Variants in SORCS3 observed in about 807,000 individuals in gnomAD.
The protein encoded by SORCS3 is VPS10 domain-containing receptor SorCS3.
In SORCS3, 57 loss-of-function variants were observed where a neutral mutation model predicts 146.3. The observed-to-expected ratio is 0.39, with a 90% CI of 0.31 to 0.49. The LOEUF (loss-of-function observed/expected upper bound fraction) is 0.49. Among genes scored for constraint, SORCS3 ranks in the 20% least tolerant of loss-of-function variants. The probability of loss-of-function intolerance (pLI) is 0.92; values close to 1 mark genes in which losing one functional copy is unlikely to be tolerated. For synonymous variants in SORCS3, 653 were observed against 618.5 expected (o/e 1.06, Z -0.83); for missense variants, 1,341 against 1,575.5 (o/e 0.85, Z 2.52).
intron 13 of SORCS3, among the ~76,000 whole-genome samples, chr10:105,173,076 C>T (rs1310376624): frequency 6.6e-6 from 1 of 152,044 alleles, no homozygotes; most frequent in African/African-American, 2.4e-5. Context: ...ATCAAAAGGT[C>T]TTCTTAACAA....
At chr10:104,764,854 C>T (rs139520860) in intron 1 of SORCS3, among the ~76,000 whole-genome samples, 42 of 152,234 alleles carry the variant, frequency 2.8e-4, no homozygotes, top group African/African-American at 9.6e-4. Context: ...CCTTTGGCAA[C>T]GTGGTGAAGT....
chr10:105,107,516 A>C (rs2055830971), intron 7 of SORCS3, among the ~76,000 whole-genome samples: 1 of 152,188 alleles, frequency 6.6e-6, no homozygotes, highest in African/African-American at 2.4e-5. Context: ...GATTTTTTTA[A>C]AAATTATTCT....
At chr10:105,057,329 G>A (rs990960119) in intron 5 of SORCS3, among the ~76,000 whole-genome samples, 5 of 152,150 alleles carry the variant, frequency 3.3e-5, no homozygotes, top group Admixed American at 2.6e-4. Context: ...AGAAGCAAAT[G>A]AAAATGTTTA....
intron 20 of SORCS3, among the ~76,000 whole-genome samples, chr10:105,231,338 G>A (rs1187974116): frequency 6.6e-6 from 1 of 152,202 alleles, no homozygotes; most frequent in African/African-American, 2.4e-5. Context: ...ATACAGGAAA[G>A]TGATCAACTT....
chr10:104,901,928 T>C (rs1240472506), intron 2 of SORCS3, among the ~76,000 whole-genome samples: 1 of 152,164 alleles, frequency 6.6e-6, no homozygotes, highest in East Asian at 1.9e-4. Context: ...GGCCTCTCAG[T>C]GGTGACAGAT....
chr10:105,072,663 T>C (rs1205068386), intron 5 of SORCS3, among the ~76,000 whole-genome samples: 1 of 2,286 alleles, frequency 4.4e-4, no homozygotes, highest in Non-Finnish European at 1.4e-3. Context: ...CTCTCTCTTT[T>C]TTTTTTTTTT....
chr10:105,051,721 A>G (rs1256027741), intron 5 of SORCS3, among the ~76,000 whole-genome samples: 5 of 152,164 alleles, frequency 3.3e-5, no homozygotes, highest in African/African-American at 1.2e-4. Flanking sequence ...ATCTCAAGTA[A>G]TGGGATTTAG....
intron 4 of SORCS3, among the ~76,000 whole-genome samples, chr10:104,993,923 CA>C (rs1456130171): frequency 6.6e-6 from 1 of 152,078 alleles, no homozygotes; most frequent in Non-Finnish European, 1.5e-5. Flanking sequence ...CAGAGTCTGA[CA>C]AATGCTAACA....
At chr10:105,005,083 A>T (rs1470213044) in intron 4 of SORCS3, among the ~76,000 whole-genome samples, 1 of 152,214 alleles carries the variant, frequency 6.6e-6, no homozygotes, top group African/African-American at 2.4e-5. Flanking sequence ...CTCAGTTTTC[A>T]TATCTGTAAA....
At position 104,819,839 on chromosome 10, in the gene SORCS3, G is replaced by C. The variant is rs117815356; in HGVS notation, c.628-22953G>C. Among the ~76,000 whole-genome samples the C allele has an allele frequency of 1.3e-4, 20 of 152,338 alleles. No homozygotes were observed. In the East Asian group the frequency reaches 3.9e-3, roughly 29 times the overall value. ...GAGATGTGGAACTCAGGTTTTAGGAGGGTGGAGAGGCAGGAGGGAAATGCA... is the reference window on the plus strand; with the variant it reads ...GAGATGTGGAACTCAGGTTTTAGGACGGTGGAGAGGCAGGAGGGAAATGCA... On this transcript the variant is annotated intron_variant, in intron 1 of 26. Coordinates refer to ENST00000369701, the MANE Select transcript of SORCS3 (RefSeq NM_014978.3).
intron 5 of SORCS3, among the ~76,000 whole-genome samples, chr10:105,071,973 G>T (rs567680585): frequency 2.6e-5 from 4 of 152,238 alleles, no homozygotes; most frequent in Admixed American, 6.5e-5. Flanking sequence ...AAGATGCAAG[G>T]TTCCTGGGTC....
intron 1 of SORCS3, among the ~76,000 whole-genome samples, chr10:104,671,441 C>G (rs2015853254): frequency 7.1e-6 from 1 of 141,590 alleles, no homozygotes; most frequent in Non-Finnish European, 1.5e-5. Flanking sequence ...TTCAAGCAAT[C>G]CTATTACCTC....
At chr10:105,187,988 G>A (rs1177805673) in intron 14 of SORCS3, among the ~76,000 whole-genome samples, 3 of 152,062 alleles carry the variant, frequency 2.0e-5, no homozygotes, top group African/African-American at 2.4e-5. Context: ...AATGGTGGTG[G>A]TGGTGCTGCT....
At chr10:104,948,365 C>A (rs770420813) in intron 3 of SORCS3, among the ~76,000 whole-genome samples, 7 of 152,034 alleles carry the variant, frequency 4.6e-5, no homozygotes, top group Non-Finnish European at 8.8e-5. Context: ...GTTGATGCAT[C>A]ATGGAAAAAA....
intron 20 of SORCS3, among the ~76,000 whole-genome samples, chr10:105,241,524 G>A (rs555583151): frequency 6.6e-6 from 1 of 152,322 alleles, no homozygotes; most frequent in South Asian, 2.1e-4. Context: ...GCGAGTAAAG[G>A]GCCAGTGTGA....
intron 1 of SORCS3, among the ~76,000 whole-genome samples, chr10:104,833,392 G>C (rs2018023650): frequency 6.6e-6 from 1 of 152,156 alleles, no homozygotes; most frequent in Non-Finnish European, 1.5e-5. Context: ...CAGCCTTGGT[G>C]GGGGAGATTC....
intron 4 of SORCS3, among the ~76,000 whole-genome samples, chr10:104,978,898 C>T (rs973643732): frequency 1.3e-5 from 2 of 152,142 alleles, no homozygotes; most frequent in African/African-American, 4.8e-5. Flanking sequence ...CTGATCTGGT[C>T]CCTCCTTCTC....
intron 1 of SORCS3, among the ~76,000 whole-genome samples, chr10:104,696,658 GTATATATAATATATAACA>G (rs1212884121): frequency 1.2e-4 from 3 of 24,190 alleles, no homozygotes; most frequent in Non-Finnish European, 2.4e-4. Flanking sequence ...TATTATATAC[GTATATATAATATATAACA>G]TATATAATAT....
chr10:105,113,173 T>C (rs2055870166), intron 7 of SORCS3, among the ~76,000 whole-genome samples: 2 of 152,206 alleles, frequency 1.3e-5, no homozygotes, highest in Admixed American at 6.5e-5. Context: ...TGAAAATCAC[T>C]GACTTTTTGC....
Sources: gnomAD v4.1 joint callset for allele counts (sites outside exome capture counted in the v4.1 genomes callset) on GRCh38, gnomAD v4.1.1 for gene constraint, MANE v1.5 for transcripts, NCBI Gene and HGNC (gene_info 2026-07-23, HGNC 2026-07-21) for gene names.